Variants in ABLIM3 observed in about 807,000 individuals in gnomAD.
ABLIM3 encodes actin-binding LIM protein 3.
A neutral mutation model predicts 109.5 loss-of-function variants in ABLIM3; 61 were observed. The observed-to-expected ratio is 0.56, with a 90% confidence interval of 0.45 to 0.69. The LOEUF (loss-of-function observed/expected upper bound fraction) is 0.69, where lower values mean the gene tolerates loss of function less well. Among genes scored for constraint, ABLIM3 ranks in the 30% least tolerant of loss-of-function variants. The pLI is 0.00. For missense variants in ABLIM3, 796 were observed against 889.5 expected (o/e 0.89, Z 1.34); for synonymous variants, 300 against 324.8 (o/e 0.92, Z 0.82).
At chr5:149,224,492 C>T (rs1760979862) in intron 8 of ABLIM3, among the ~76,000 whole-genome samples, 1 of 152,198 alleles carries the variant, frequency 6.6e-6, no homozygotes, top group African/African-American at 2.4e-5. Context: ...GGCACAAGCC[C>T]AACCTCCCAG....
chr5:149,230,386 C>CT (rs985075365), intron 8 of ABLIM3, among the ~76,000 whole-genome samples: 3 of 152,160 alleles, frequency 2.0e-5, no homozygotes, highest in African/African-American at 7.2e-5. Context: ...TCACCCCCAA[C>CT]TGGCAGGTAA....
In ABLIM3 at chr5:149,236,822, A is replaced by C. The variant is rs531392048; in HGVS notation, c.889-626A>C. Among the ~76,000 whole-genome samples the C allele has an allele frequency of 5.3e-5, 8 of 152,314 alleles. No individual in the cohort carries two copies. The South Asian group carries it at 1.7e-3, about 32-fold the overall frequency. On this transcript the variant is annotated intron_variant, in intron 10 of 23. Coordinates refer to ENST00000309868, the MANE Select transcript of ABLIM3 (RefSeq NM_014945.5). ...GATTTTTCTGTGCCTCTGGTTCCTT[A>C]TTCAAAAGGAGGATAATGTTGGTGC...
At chr5:149,239,441 A>T (rs1229875443) in intron 12 of ABLIM3, among the ~76,000 whole-genome samples, 164 bp downstream of exon 12, 3 of 152,164 alleles carry the variant, frequency 2.0e-5, no homozygotes, top group Non-Finnish European at 4.4e-5. Context: ...AGGAAGTGGT[A>T]GTGGCATACA....
intron 2 of ABLIM3, among the ~76,000 whole-genome samples, chr5:149,170,330 C>G (rs537041610): frequency 4.0e-5 from 6 of 151,700 alleles, no homozygotes; most frequent in African/African-American, 1.5e-4. Context: ...AGCAAGATGG[C>G]AAAGGAGCCC....
At position 149,190,538 on chromosome 5, in the gene ABLIM3, G is replaced by A. The variant is rs578240747; in HGVS notation, c.151+6949G>A. On this transcript the variant is annotated intron_variant, in intron 3 of 23. Transcript: ENST00000309868. ...CTACAAAAAATACAAAAATTAGCCGGGCATGGTGGTGCATGCCTGTAGTCC... is the reference window on the plus strand; with the variant it reads ...CTACAAAAAATACAAAAATTAGCCGAGCATGGTGGTGCATGCCTGTAGTCC... 2.0e-5 allele frequency among the ~76,000 whole-genome samples: 3 copies of A among 152,036 alleles called. No homozygotes were observed. In the South Asian group the frequency reaches 6.2e-4, roughly 32 times the overall value.
At position 149,161,313 on chromosome 5, in the gene ABLIM3, C is replaced by T. The variant is rs138379181; in HGVS notation, c.13+19205C>T. Among the ~76,000 whole-genome samples, 535 of 152,256 alleles carry T rather than the reference C, an allele frequency of 3.5e-3. 4 individuals are homozygous for T. The highest frequency in any genetic ancestry group is 0.012 in the African/African-American group (492 of 41,542). On this transcript the variant is annotated intron_variant, in intron 2 of 23. Transcript: ENST00000309868. ...GAGGGTACACACTTAGAGAATGATCCGGGAAAGACTTAGGGACTCCGAGCT... is the reference window on the plus strand; with the variant it reads ...GAGGGTACACACTTAGAGAATGATCTGGGAAAGACTTAGGGACTCCGAGCT...
At chr5:149,183,393 C>T in intron 2 of ABLIM3, 59 bp from the exon 3 acceptor site, 2 of 1,452,564 alleles carry the variant, frequency 1.4e-6, no homozygotes, top group South Asian at 1.5e-5. Context: ...TAATGTCTTG[C>T]AGCAGACTTT....
chr5:149,162,316 G>A (rs543770743), intron 2 of ABLIM3, among the ~76,000 whole-genome samples: 1 of 152,268 alleles, frequency 6.6e-6, no homozygotes, highest in East Asian at 1.9e-4. Context: ...GGTAAATGGG[G>A]CAAGGTAAAA....
intron 5 of ABLIM3, among the ~76,000 whole-genome samples, chr5:149,203,255 ACACCACTGC>A (rs1758649822): frequency 1.3e-5 from 2 of 150,512 alleles, no homozygotes; most frequent in Admixed American, 1.3e-4. Flanking sequence ...ATCACCACCA[ACACCACTGC>A]CACCACCAAT....
intron 3 of ABLIM3, among the ~76,000 whole-genome samples, chr5:149,190,579 C>T (rs1757393242): frequency 6.6e-6 from 1 of 152,028 alleles, no homozygotes; most frequent in Non-Finnish European, 1.5e-5. Flanking sequence ...ACTTGGGAGG[C>T]TGAGGTGAGA....
At chr5:149,235,005 G>A (rs1304777193) in intron 10 of ABLIM3, among the ~76,000 whole-genome samples, 3 of 152,156 alleles carry the variant, frequency 2.0e-5, no homozygotes, top group African/African-American at 7.2e-5. Context: ...CTCCATTACT[G>A]AATGGAATTT....
chr5:149,227,111 T>C (rs1761382613), intron 8 of ABLIM3, among the ~76,000 whole-genome samples: 2 of 144,016 alleles, frequency 1.4e-5, no homozygotes, highest in African/African-American at 5.1e-5. Context: ...AAATTTAACA[T>C]CAGGGTGTAG....
At position 149,260,340 on chromosome 5, in the gene ABLIM3, C is replaced by T. The variant is rs1754794987; in HGVS notation, c.*1936C>T. The T allele has an allele frequency of 6.6e-6, 1 of 152,566 alleles. No individual in the cohort carries two copies. Among genetic ancestry groups the T allele is most frequent in the Non-Finnish European group, 1.5e-5 (1 of 68,032 alleles). The allele number at this position is 152,566 out of a possible 1,614,324, so 9.5% of individuals were successfully genotyped here. On this transcript the variant is annotated 3_prime_UTR_variant, in exon 24 of 24. Coordinates refer to ENST00000309868, the MANE Select transcript of ABLIM3 (RefSeq NM_014945.5). The stretch of plus-strand genomic sequence containing the variant: ...AGCCAGACGCAATCATGGAAGTTGC[C>T]TTATTGTCACTGGTTAAGAACTTGG...
At chr5:149,176,608 A>G (rs1755953059) in intron 2 of ABLIM3, among the ~76,000 whole-genome samples, 2 of 152,136 alleles carry the variant, frequency 1.3e-5, no homozygotes, top group South Asian at 2.1e-4. Flanking sequence ...AATGAGGATA[A>G]TAGTATCCCC....
intron 15 of ABLIM3, 123 bp from the exon 16 acceptor site, chr5:149,244,758 G>A: frequency 8.0e-7 from 1 of 1,244,798 alleles, no homozygotes. Flanking sequence ...TTCTAACAGA[G>A]AGCCCTGATC....
In ABLIM3 at chr5:149,247,798, G is replaced by C; in HGVS notation, c.1568G>C (p.Gly523Ala). ...RSMHKLQSGI[G>A]RLILKEEMKA... ...GACCCTCAGCTCCAAAGTGGAATTG[G>C]CCGGCTGATTCTGAAGGAAGAAATG... Residue 523 changes from glycine (G) to alanine (A), a missense_variant, in exon 18 of 24, where the codon GGC (glycine) becomes GCC (alanine). By Grantham distance (60) the Gly-to-Ala change is moderately conservative. Transcript: ENST00000309868. 1 of 1,614,200 alleles carries C rather than the reference G, an allele frequency of 6.2e-7. No individual in the cohort carries two copies. The highest frequency in any genetic ancestry group is 8.5e-7 in the Non-Finnish European group (1 of 1,180,040).
At chr5:149,240,605 C>G (rs1752714069) in intron 13 of ABLIM3, 71 bp from the exon 14 acceptor site, 2 of 1,255,266 alleles carry the variant, frequency 1.6e-6, no homozygotes, top group Non-Finnish European at 2.3e-6. Flanking sequence ...ACTTCCTAAA[C>G]TGCCACCGCG....
intron 2 of ABLIM3, among the ~76,000 whole-genome samples, chr5:149,169,645 TAAAG>T (rs1252948178): frequency 6.6e-6 from 1 of 152,138 alleles, no homozygotes; most frequent in East Asian, 1.9e-4. Flanking sequence ...GTTCCTCCAG[TAAAG>T]AGAGAGTCTG....
At chr5:149,175,363 A>C (rs2127465955) in intron 2 of ABLIM3, among the ~76,000 whole-genome samples, 1 of 152,214 alleles carries the variant, frequency 6.6e-6, no homozygotes, top group East Asian at 1.9e-4. Context: ...GAATTTTAAA[A>C]TCCTGTCCCT....
Sources: gnomAD v4.1 joint callset for allele counts (sites outside exome capture counted in the v4.1 genomes callset) on GRCh38, gnomAD v4.1.1 for gene constraint, MANE v1.5 for transcripts, NCBI Gene and HGNC (gene_info 2026-07-23, HGNC 2026-07-21) for gene names.